Variants in GLYR1 observed in about 807,000 individuals in gnomAD.
GLYR1 encodes the protein glyoxylate reductase 1 homolog, also known as cytokine-like nuclear factor N-PAC.
A neutral mutation model predicts 72.7 loss-of-function variants in GLYR1; 21 were observed. The observed-to-expected ratio is 0.29, with a 90% CI of 0.20 to 0.42. GLYR1 has a LOEUF of 0.42. Among genes scored for constraint, GLYR1 ranks in the 10% least tolerant of loss-of-function variants. The probability of loss-of-function intolerance (pLI) is 1.00; values close to 1 mark genes in which losing one functional copy is unlikely to be tolerated. For synonymous variants in GLYR1, 392 were observed against 270.2 expected, an observed-to-expected ratio of 1.45 and a Z score of -4.42; for missense variants, 594 against 712.1, an observed-to-expected ratio of 0.83 and a Z score of 1.89.
Position 4,812,230 on chromosome 16 carries a change from C to G in GLYR1, c.1138G>C (p.Gly380Arg), listed in dbSNP as rs1567663124. Reference sequence around the variant, plus strand: ...GAGACGGGGGCTTCCAGAAAGCGCCCCCCCCTGGACACAATCACCTGGAAA... The same window carrying G: ...GAGACGGGGGCTTCCAGAAAGCGCCGCCCCCTGGACACAATCACCTGGAAA... ...ELAQVIVSRG[G>R]RFLEAPVSGN... The change falls in exon 13 of 16, where the codon GGG (glycine) becomes CGG (arginine). Residue 380 changes from glycine (G) to arginine (R), a missense_variant. Around this residue, in one of 5 missense-constraint regions of GLYR1, gnomAD observed 266 missense variants for 358.4 expected, o/e 0.74. Transcript: ENST00000321919. The G allele has an allele frequency of 6.2e-7, 1 of 1,613,160 alleles. No homozygotes were observed. The highest frequency in any genetic ancestry group is 8.5e-7 in the Non-Finnish European group (1 of 1,179,826).
At chr16:4,833,107 C>A in intron 3 of GLYR1, 195 bp from the exon 4 acceptor site, 1 of 450,090 alleles carries the variant, frequency 2.2e-6, no homozygotes, top group Non-Finnish European at 3.9e-6. Context: ...TGAAACAAGT[C>A]AAGCAGAACA....
chr16:4,843,303 C>T lies in GLYR1; in HGVS notation c.155+1771G>A, dbSNP rs986044875. 10 of 262,664 alleles carry T rather than the reference C, an allele frequency of 3.8e-5. No homozygotes were observed. In the East Asian group the frequency reaches 6.3e-4, roughly 17 times the overall value. 16.3% of individuals were successfully genotyped at this position (262,664 alleles called of 1,614,324 possible). A position where few individuals can be genotyped will look rare whatever the true frequency, so the allele number is the denominator to read the frequency against. The stretch of plus-strand genomic sequence containing the variant: ...CCAAGTAGCTGGGATTACAGGTAGA[C>T]GCCAACACTCCTGGCTAATTTTTGT... On this transcript the variant is annotated intron_variant, in intron 3 of 15. Coordinates refer to ENST00000321919, the MANE Select transcript of GLYR1 (RefSeq NM_032569.4).
At chr16:4,823,334 C>T (rs189897660) in intron 6 of GLYR1, among the ~76,000 whole-genome samples, 11 of 152,286 alleles carry the variant, frequency 7.2e-5, no homozygotes, top group Admixed American at 5.2e-4. Context: ...AAGCCCTTGG[C>T]GATCTCATCT....
chr16:4,840,697 G>T (rs2085488023), intron 3 of GLYR1, among the ~76,000 whole-genome samples: 1 of 152,160 alleles, frequency 6.6e-6, no homozygotes, highest in Non-Finnish European at 1.5e-5. Context: ...ATGAGGTAGG[G>T]GGTATCATCC....
intron 9 of GLYR1, among the ~76,000 whole-genome samples, chr16:4,820,726 G>A (rs1030223686): frequency 6.6e-6 from 1 of 152,210 alleles, no homozygotes; most frequent in East Asian, 1.9e-4. Context: ...TCCAGAGAAC[G>A]TGTTTTCCTA....
chr16:4,820,321 A>T (rs1369698569), intron 9 of GLYR1, among the ~76,000 whole-genome samples: 2 of 152,164 alleles, frequency 1.3e-5, no homozygotes, highest in Non-Finnish European at 2.9e-5. Flanking sequence ...GGCAACTGAG[A>T]GTCCTTCACA....
intron 9 of GLYR1, among the ~76,000 whole-genome samples, chr16:4,819,219 G>T (rs1481025584): frequency 6.6e-6 from 1 of 151,716 alleles, no homozygotes; most frequent in Admixed American, 6.6e-5. Context: ...TGCTATGTTG[G>T]CTAGGCTGGT....
intron 10 of GLYR1, among the ~76,000 whole-genome samples, chr16:4,816,828 A>G (rs1222661707): frequency 6.6e-6 from 1 of 152,112 alleles, no homozygotes; most frequent in Admixed American, 6.5e-5. Flanking sequence ...TCTACTAAAA[A>G]TACAAAAAAT....
At chr16:4,834,294 CCT>C (rs1491154208) in intron 3 of GLYR1, among the ~76,000 whole-genome samples, 5 of 140,250 alleles carry the variant, frequency 3.6e-5, no homozygotes, top group Non-Finnish European at 7.5e-5. Flanking sequence ...TAGGCAAATT[CCT>C]TTTTTTTTTT....
intron 5 of GLYR1, 45 bp from the exon 6 acceptor site, chr16:4,823,952 C>A: frequency 6.8e-7 from 1 of 1,475,416 alleles, no homozygotes; most frequent in Admixed American, 1.7e-5. Context: ...ATTCAAACCC[C>A]AACAAAACCC....
rs79585798 is a variant in GLYR1 at position 4,823,759 on chromosome 16, A to G, written c.624+62T>C. 8.8e-6 allele frequency: 10 copies of G among 1,130,068 alleles called. 1 individual carries two copies. The highest frequency in any genetic ancestry group is 2.4e-5 in the East Asian group (1 of 41,990). 70.0% of individuals were successfully genotyped at this position (1,130,068 alleles called of 1,614,324 possible). On this transcript the variant is annotated intron_variant, in intron 6 of 15. Transcript: ENST00000321919. ...GAAAGGGACAAAAAAAAAAAAAAAAAGGATCACACAGGAACCTCGCCCTAA... is the reference window on the plus strand; with the variant it reads ...GAAAGGGACAAAAAAAAAAAAAAAAGGGATCACACAGGAACCTCGCCCTAA...
intron 15 of GLYR1, 120 bp from the exon 16 acceptor site, chr16:4,805,430 G>T: frequency 2.5e-6 from 2 of 801,788 alleles, no homozygotes; most frequent in Non-Finnish European, 4.3e-6. Context: ...AGGCTGTCCG[G>T]TTAGGAATCC....
chr16:4,823,040 C>A, intron 6 of GLYR1, 109 bp from the exon 7 acceptor site: 2 of 894,422 alleles, frequency 2.2e-6, no homozygotes, highest in South Asian at 1.4e-5. Flanking sequence ...GGATTCTGGT[C>A]TCTTTTTCAC....
chr16:4,811,486 CTG>C, intron 14 of GLYR1, 135 bp downstream of exon 14: 1 of 1,284,048 alleles, frequency 7.8e-7, no homozygotes, highest in Non-Finnish European at 1.1e-6. Context: ...ATCCCGCCCA[CTG>C]TGTTTCTGAA....
At chr16:4,846,434 A>T (rs2086071509) in intron 1 of GLYR1, among the ~76,000 whole-genome samples, 1 of 152,228 alleles carries the variant, frequency 6.6e-6, no homozygotes, top group African/African-American at 2.4e-5. Context: ...ATACAGAACA[A>T]CACAACTGTC....
chr16:4,806,953 C>T (rs1236951215), intron 15 of GLYR1, among the ~76,000 whole-genome samples: 1 of 151,374 alleles, frequency 6.6e-6, no homozygotes. Flanking sequence ...ACTACAGGCG[C>T]CCGCCACCAC....
At chr16:4,837,845 C>T (rs1043556384) in intron 3 of GLYR1, among the ~76,000 whole-genome samples, 1 of 151,706 alleles carries the variant, frequency 6.6e-6, no homozygotes, top group African/African-American at 2.4e-5. Context: ...GCAGGATAAT[C>T]GCTTGAACCC....
chr16:4,843,384 A>T, intron 3 of GLYR1: 1 of 860,166 alleles, frequency 1.2e-6, no homozygotes, highest in Non-Finnish European at 1.5e-6. Flanking sequence ...CGAACTCATG[A>T]CCTCCAGTGA....
chr16:4,833,241 T>C (rs1327148661), intron 3 of GLYR1: 2 of 188,718 alleles, frequency 1.1e-5, no homozygotes, highest in Middle Eastern at 2.0e-3. Flanking sequence ...CGCTGCCACT[T>C]GCTCAGGGCA....
Sources: gnomAD v4.1 joint callset for allele counts (sites outside exome capture counted in the v4.1 genomes callset) on GRCh38, gnomAD v4.1.1 for gene constraint, gnomAD v4.1.1 regional missense constraint, MANE v1.5 for transcripts, NCBI Gene and HGNC (gene_info 2026-07-23, HGNC 2026-07-21) for gene names.